The following TLK2 variants were observed in gnomAD, a reference collection of about 807,000 sequenced individuals.
TLK2 encodes the protein tousled like kinase 2.
TLK2 carries 6 observed loss-of-function variants against 117.3 expected under a neutral mutation model. That is an observed-to-expected ratio of 0.05 (90% CI 0.03 to 0.10). The LOEUF (loss-of-function observed/expected upper bound fraction) is 0.10. Ranked by LOEUF, TLK2 falls within the 10% of genes least tolerant of loss-of-function variation. The pLI is 1.00. For missense variants in TLK2, 299 were observed against 901.2 expected (o/e 0.33, Z 8.56); for synonymous variants, 257 against 316.7 (o/e 0.81, Z 2.00).
In TLK2 at chr17:62,512,861, A is replaced by ATT. The variant is rs370355895; in HGVS notation, c.82-7912_82-7911insTT. ...TTTTTTTCTCTTTTAAAAATTTATT[A>ATT]ATTATTATTATTATTATTATTATTA... On this transcript the variant is annotated intron_variant, in intron 2 of 21. Transcript: ENST00000346027. Among the ~76,000 whole-genome samples the ATT allele has an allele frequency of 8.9e-4, 125 of 141,158 alleles. 1 individual carries two copies. Among genetic ancestry groups the ATT allele is most frequent in the African/African-American group, 1.3e-3 (49 of 38,856 alleles). 92.6% of individuals were successfully genotyped at this position (141,158 alleles called of 152,430 possible).
intron 2 of TLK2, 39 bp downstream of exon 2, chr17:62,481,245 A>G (rs374327169): frequency 1.1e-5 from 17 of 1,606,060 alleles, no homozygotes; most frequent in Non-Finnish European, 1.4e-5. Flanking sequence ...TTCATATTCT[A>G]ATTTAAACAC....
chr17:62,481,686 G>A (rs1249351018), intron 2 of TLK2, among the ~76,000 whole-genome samples: 1 of 152,026 alleles, frequency 6.6e-6, no homozygotes, highest in Non-Finnish European at 1.5e-5. Flanking sequence ...TTCCTTCTTA[G>A]TTTTTATTTT....
At position 62,505,407 on chromosome 17, in the gene TLK2, A is replaced by ATTTTT. The variant is rs544900638; in HGVS notation, c.82-15344_82-15340dup. ...TACAGTCATGCACTACCATACCCAGATTTTTTTTTTTTTTTTTTTTTTTTT... is the reference window on the plus strand; with the variant it reads ...TACAGTCATGCACTACCATACCCAGATTTTTTTTTTTTTTTTTTTTTTTTTTTTTT... On this transcript the variant is annotated intron_variant, in intron 2 of 21. Transcript: ENST00000346027. 8.2e-4 allele frequency among the ~76,000 whole-genome samples: 44 copies of ATTTTT among 53,766 alleles called. 9 individuals are homozygous for ATTTTT. The highest frequency in any genetic ancestry group is 2.5e-3 in the African/African-American group (27 of 10,816). 35.3% of individuals were successfully genotyped at this position (53,766 alleles called of 152,430 possible). A position where few individuals can be genotyped will look rare whatever the true frequency, so the allele number is the denominator to read the frequency against.
chr17:62,510,071 C>G (rs940158625), intron 2 of TLK2, among the ~76,000 whole-genome samples: 1 of 152,170 alleles, frequency 6.6e-6, no homozygotes, highest in African/African-American at 2.4e-5. Flanking sequence ...TTGAGCCATT[C>G]GAGACCAGCC....
chr17:62,586,745 C>T (rs778478695), intron 16 of TLK2, among the ~76,000 whole-genome samples: 21 of 151,512 alleles, frequency 1.4e-4, no homozygotes, highest in African/African-American at 3.9e-4. Flanking sequence ...GGCGTGAACT[C>T]GGGAGGCAGA....
chr17:62,511,257 T>G (rs2075123348), intron 2 of TLK2, among the ~76,000 whole-genome samples: 1 of 152,380 alleles, frequency 6.6e-6, no homozygotes, highest in East Asian at 1.9e-4. Context: ...GCTACGCGTT[T>G]GTAGCCACAC....
intron 1 of TLK2, among the ~76,000 whole-genome samples, chr17:62,472,588 A>T (rs939516074): frequency 1.3e-5 from 2 of 152,116 alleles, no homozygotes; most frequent in African/African-American, 4.8e-5. Flanking sequence ...AATAAAAAAA[A>T]TTAGCTGGGC....
chr17:62,482,701 C>G (rs1291220317), intron 2 of TLK2, among the ~76,000 whole-genome samples: 1 of 152,134 alleles, frequency 6.6e-6, no homozygotes, highest in Non-Finnish European at 1.5e-5. Flanking sequence ...ATCTGCCTGT[C>G]TTGGTGTTCC....
intron 2 of TLK2, among the ~76,000 whole-genome samples, chr17:62,511,694 T>C (rs2075156703): frequency 6.6e-6 from 1 of 152,192 alleles, no homozygotes; most frequent in Admixed American, 6.5e-5. Context: ...ATTGGCTTTT[T>C]TCACTTGGCA....
chr17:62,602,304 C>G (rs1363242737), intron 19 of TLK2, 124 bp downstream of exon 19: 5 of 898,342 alleles, frequency 5.6e-6, no homozygotes, highest in Non-Finnish European at 8.0e-6. Flanking sequence ...CCAAAGCAGA[C>G]TTTCTCCCCA....
chr17:62,590,650 T>C (rs1437305095), intron 16 of TLK2, among the ~76,000 whole-genome samples: 5 of 152,148 alleles, frequency 3.3e-5, no homozygotes, highest in Non-Finnish European at 7.3e-5. Flanking sequence ...TGAGATCATA[T>C]TAAATTCTTT....
At chr17:62,573,544 T>C (rs1236545385) in intron 12 of TLK2, among the ~76,000 whole-genome samples, 177 bp downstream of exon 12, 2 of 152,250 alleles carry the variant, frequency 1.3e-5, no homozygotes, top group Non-Finnish European at 2.9e-5. Flanking sequence ...TAATTGATTT[T>C]CTTAAACCTG....
chr17:62,566,122 G>A lies in TLK2; in HGVS notation c.968+985G>A, dbSNP rs571889331. Reference sequence around the variant, plus strand: ...AATTCCAACTGTGTGACTAGCTACCGTTAGCTTAGATCTTTAAATGTATAT... The same window carrying A: ...AATTCCAACTGTGTGACTAGCTACCATTAGCTTAGATCTTTAAATGTATAT... On this transcript the variant is annotated intron_variant, in intron 11 of 21. Transcript: ENST00000346027. Among the ~76,000 whole-genome samples the A allele has an allele frequency of 1.6e-4, 25 of 152,072 alleles. No homozygotes were observed. In the East Asian group the frequency reaches 4.1e-3, roughly 25 times the overall value.
At chr17:62,517,575 T>C (rs1221908216) in intron 2 of TLK2, among the ~76,000 whole-genome samples, 1 of 151,760 alleles carries the variant, frequency 6.6e-6, no homozygotes, top group Non-Finnish European at 1.5e-5. Context: ...TTTGTATTTT[T>C]AGTAGAGACG....
At chr17:62,591,063 A>C (rs1296363311) in intron 16 of TLK2, among the ~76,000 whole-genome samples, 2 of 152,116 alleles carry the variant, frequency 1.3e-5, no homozygotes, top group Non-Finnish European at 2.9e-5. Context: ...CAGCCTGGCC[A>C]ATATGGTGAA....
chr17:62,484,507 A>T (rs2072097400), intron 2 of TLK2, among the ~76,000 whole-genome samples: 2 of 151,434 alleles, frequency 1.3e-5, no homozygotes, highest in South Asian at 4.2e-4. Context: ...CGTGTTGGCC[A>T]GGCTGGTCTC....
At chr17:62,563,589 A>T (rs2079476810) in intron 10 of TLK2, among the ~76,000 whole-genome samples, 1 of 152,238 alleles carries the variant, frequency 6.6e-6, no homozygotes, top group Non-Finnish European at 1.5e-5. Flanking sequence ...TAGACAGGAC[A>T]TCTCAAGGAC....
At chr17:62,511,006 G>A (rs2075100612) in intron 2 of TLK2, among the ~76,000 whole-genome samples, 1 of 152,146 alleles carries the variant, frequency 6.6e-6, no homozygotes, top group Admixed American at 6.5e-5. Context: ...GCAGGAAGTT[G>A]CACAAAATGT....
chr17:62,577,302 G>A (rs2080881235), intron 13 of TLK2, among the ~76,000 whole-genome samples: 1 of 152,020 alleles, frequency 6.6e-6, no homozygotes, highest in Non-Finnish European at 1.5e-5. Context: ...GCAACCCAAT[G>A]ACAGTGTTTT....
Sources: gnomAD v4.1 joint callset for allele counts (sites outside exome capture counted in the v4.1 genomes callset) on GRCh38, gnomAD v4.1.1 for gene constraint, MANE v1.5 for transcripts, NCBI Gene and HGNC (gene_info 2026-07-23, HGNC 2026-07-21) for gene names.